Variants in CDKL5 observed in about 807,000 individuals in gnomAD.
CDKL5 encodes the protein cyclin-dependent kinase-like 5.
A neutral mutation model predicts 61.7 loss-of-function variants in CDKL5; 8 were observed. The observed-to-expected ratio is 0.13, with a 90% CI of 0.08 to 0.23. CDKL5 has a LOEUF of 0.23. Among genes scored for constraint, CDKL5 ranks in the 10% least tolerant of loss-of-function variants. CDKL5 has a pLI of 1.00. For synonymous variants in CDKL5, 275 were observed against 272.3 expected, an observed-to-expected ratio of 1.01 and a Z score of -0.10; for missense variants, 440 against 734.5, an observed-to-expected ratio of 0.60 and a Z score of 4.63.
At chrX:18,618,823 T>G (rs193252121) in intron 15 of CDKL5, among the ~76,000 whole-genome samples, 1 of 110,361 alleles carries the variant, frequency 9.1e-6, no homozygotes, top group South Asian at 3.9e-4. Context: ...AAAAAAATTA[T>G]CCAGGCCTGG....
chrX:18,493,802 C>T (rs1241889047), intron 1 of CDKL5, among the ~76,000 whole-genome samples: 1 of 112,027 alleles, frequency 8.9e-6, no homozygotes, highest in Non-Finnish European at 1.9e-5. Flanking sequence ...GAAAATATTA[C>T]CCCAAAGAAA....
chrX:18,574,632 AG>A (rs1925235688), intron 4 of CDKL5, among the ~76,000 whole-genome samples: 1 of 111,701 alleles, frequency 9.0e-6, no homozygotes, highest in African/African-American at 3.3e-5. Context: ...GGTATGGAAG[AG>A]GGTCTATTGG....
At chrX:18,543,982 A>G (rs1230503164) in intron 3 of CDKL5, among the ~76,000 whole-genome samples, 1 of 111,976 alleles carries the variant, frequency 8.9e-6, no homozygotes, top group African/African-American at 3.3e-5. Context: ...TACTCTGGTT[A>G]CAATTAAACC....
intron 9 of CDKL5, 67 bp downstream of exon 9, chrX:18,588,210 C>A: frequency 1.3e-6 from 1 of 793,184 alleles, no homozygotes; most frequent in Non-Finnish European, 1.9e-6. Context: ...GTTCATTGCA[C>A]AATGGAATGC....
At chrX:18,649,843 G>T (rs777654379) in intron 20 of CDKL5, among the ~76,000 whole-genome samples, 155 of 112,141 alleles carry the variant, frequency 1.4e-3, no homozygotes, top group African/African-American at 4.7e-3. Context: ...AGACAAGCCC[G>T]AGCGATCAGG....
At chrX:18,647,489 AACGGT>A in intron 20 of CDKL5, 1 of 522,125 alleles carries the variant, frequency 1.9e-6, no homozygotes. Context: ...CTGTGTCTTC[AACGGT>A]TCACTACTCA....
At chrX:18,478,265 A>G (rs1260504135) in intron 1 of CDKL5, among the ~76,000 whole-genome samples, 1 of 91,367 alleles carries the variant, frequency 1.1e-5, no homozygotes, top group Non-Finnish European at 2.1e-5. Flanking sequence ...TCCAGTCTCC[A>G]TCGTTTGTTT....
chrX:18,435,981 C>G (rs1209882405), intron 1 of CDKL5, among the ~76,000 whole-genome samples: 3 of 111,112 alleles, frequency 2.7e-5, no homozygotes, highest in Non-Finnish European at 5.7e-5. Flanking sequence ...CCAAGTATAA[C>G]TTTTGACCCC....
intron 3 of CDKL5, among the ~76,000 whole-genome samples, chrX:18,546,459 A>G (rs1438291218): frequency 1.2e-4 from 13 of 109,940 alleles, no homozygotes. Flanking sequence ...ATGGGGTTTC[A>G]CCATGTTGGC....
At chrX:18,501,653 A>G (rs1922390727) in intron 1 of CDKL5, among the ~76,000 whole-genome samples, 1 of 111,228 alleles carries the variant, frequency 9.0e-6, no homozygotes, top group African/African-American at 3.3e-5. Flanking sequence ...GGTTCAAGCA[A>G]TTCTCCTGTC....
intron 1 of CDKL5, among the ~76,000 whole-genome samples, chrX:18,469,805 G>A (rs940363016): frequency 1.3e-4 from 14 of 111,526 alleles, no homozygotes; most frequent in Non-Finnish European, 2.4e-4. Flanking sequence ...TAGAATTCAC[G>A]GGCTTATTTC....
intron 1 of CDKL5, among the ~76,000 whole-genome samples, chrX:18,438,144 C>T (rs1158278347): frequency 9.0e-6 from 1 of 111,342 alleles, no homozygotes; most frequent in East Asian, 2.9e-4. Context: ...CGGCTCACTG[C>T]AACCTCCGCC....
chrX:18,500,222 A>C (rs746704646), intron 1 of CDKL5, among the ~76,000 whole-genome samples: 9 of 111,992 alleles, frequency 8.0e-5, no homozygotes, highest in Non-Finnish European at 1.5e-4. Flanking sequence ...TTTTGATACA[A>C]GCATACAATA....
chrX:18,496,178 A>G (rs950627729), intron 1 of CDKL5, among the ~76,000 whole-genome samples: 2 of 112,431 alleles, frequency 1.8e-5, no homozygotes, highest in African/African-American at 6.5e-5. Context: ...GAGCCCTGAC[A>G]AAATATGTCC....
At chrX:18,464,870 C>T (rs1187819633) in intron 1 of CDKL5, among the ~76,000 whole-genome samples, 1 of 111,905 alleles carries the variant, frequency 8.9e-6, no homozygotes, top group African/African-American at 3.2e-5. Flanking sequence ...TAAAAAATGT[C>T]AGTGTGTGTA....
At chrX:18,560,240 G>A (rs1330383329) in intron 3 of CDKL5, among the ~76,000 whole-genome samples, 1 of 111,682 alleles carries the variant, frequency 9.0e-6, no homozygotes, top group Non-Finnish European at 1.9e-5. Flanking sequence ...CTAGTTTACA[G>A]TCCCACCAAC....
intron 12 of CDKL5, among the ~76,000 whole-genome samples, chrX:18,606,583 C>T (rs529436136): frequency 3.6e-5 from 4 of 112,173 alleles, no homozygotes; most frequent in African/African-American, 1.3e-4. Context: ...GCGAGACAGT[C>T]CAAGTTGTGA....
intron 10 of CDKL5, among the ~76,000 whole-genome samples, chrX:18,596,882 G>A (rs1286427058): frequency 3.6e-5 from 4 of 112,327 alleles, no homozygotes; most frequent in Non-Finnish European, 5.6e-5. Context: ...GAATCATCCT[G>A]TGCTTCTGCC....
At chrX:18,436,228 TGAG>T (rs1931606648) in intron 1 of CDKL5, among the ~76,000 whole-genome samples, 1 of 110,799 alleles carries the variant, frequency 9.0e-6, no homozygotes, top group Non-Finnish European at 1.9e-5. Flanking sequence ...TTGAGTAGGC[TGAG>T]GAGGAAGAGG....
Sources: gnomAD v4.1 joint callset for allele counts (sites outside exome capture counted in the v4.1 genomes callset) on GRCh38, gnomAD v4.1.1 for gene constraint, MANE v1.5 for transcripts, NCBI Gene and HGNC (gene_info 2026-07-23, HGNC 2026-07-21) for gene names.